The following MAP2K3 variants were observed in gnomAD, a reference collection of about 807,000 sequenced individuals.
MAP2K3 encodes dual specificity mitogen-activated protein kinase kinase 3.
Under a neutral mutation model 46.4 loss-of-function variants are expected in MAP2K3, and 30 were observed. The observed-to-expected ratio is 0.65, with a 90% CI of 0.48 to 0.88. The LOEUF (loss-of-function observed/expected upper bound fraction) is 0.88. Among genes scored for constraint, MAP2K3 ranks in the 40% least tolerant of loss-of-function variants. The pLI, the probability that MAP2K3 is intolerant of heterozygous loss-of-function variation, is 0.00. For missense variants in MAP2K3, 380 were observed against 464.5 expected, an observed-to-expected ratio of 0.82 and a Z score of 1.67; for synonymous variants, 189 against 176.3, an observed-to-expected ratio of 1.07 and a Z score of -0.57.
intron 1 of MAP2K3, among the ~76,000 whole-genome samples, chr17:21,286,302 G>A (rs1255224126): frequency 6.6e-6 from 1 of 152,250 alleles, no homozygotes; most frequent in Non-Finnish European, 1.5e-5. Context: ...TGAGCAGGAG[G>A]AAGCACCTAG....
At chr17:21,298,294 C>T (rs745638179) in intron 1 of MAP2K3, 119 bp from the exon 2 acceptor site, 64 of 1,440,224 alleles carry the variant, frequency 4.4e-5, no homozygotes, top group African/African-American at 7.0e-5. Flanking sequence ...AGGGGGCTCC[C>T]GGCATGGGTG....
At chr17:21,290,113 G>A (rs532777199) in intron 1 of MAP2K3, among the ~76,000 whole-genome samples, 3 of 152,242 alleles carry the variant, frequency 2.0e-5, no homozygotes, top group Non-Finnish European at 4.4e-5. Flanking sequence ...CAGTGTGTGC[G>A]GTGATGCGGT....
chr17:21,311,442 T>A (rs1977156154), intron 9 of MAP2K3, among the ~76,000 whole-genome samples: 1 of 152,012 alleles, frequency 6.6e-6, no homozygotes, highest in Non-Finnish European at 1.5e-5. Flanking sequence ...ACCGGCCCGA[T>A]GTCACCCACA....
chr17:21,295,003 G>A (rs2144513248), intron 1 of MAP2K3, among the ~76,000 whole-genome samples: 1 of 152,428 alleles, frequency 6.6e-6, no homozygotes, highest in East Asian at 1.9e-4. Flanking sequence ...CTCCACAGCA[G>A]AGAAGCCATC....
chr17:21,308,671 CA>C (rs1255661864), intron 9 of MAP2K3, among the ~76,000 whole-genome samples: 9 of 152,286 alleles, frequency 5.9e-5, no homozygotes, highest in African/African-American at 2.2e-4. Flanking sequence ...TCTGCAATAA[CA>C]GTTTTCCAAG....
rs540194119 is a variant in MAP2K3 at position 21,305,910 on chromosome 17, C to T, written c.774+782C>T. Among the ~76,000 whole-genome samples the T allele has an allele frequency of 4.3e-4, 66 of 152,346 alleles. No individual in the cohort carries two copies. In the South Asian group the frequency reaches 4.3e-3, roughly 10 times the overall value. Reference sequence around the variant, plus strand: ...CTTGGGACCAATGGAGTGTCCTGGGCGTCAGCTCCTTCCCTGCCCAGGGAA... The same window carrying T: ...CTTGGGACCAATGGAGTGTCCTGGGTGTCAGCTCCTTCCCTGCCCAGGGAA... On this transcript the variant is annotated intron_variant, in intron 9 of 11. Transcript: ENST00000342679.
intron 1 of MAP2K3, among the ~76,000 whole-genome samples, chr17:21,294,217 T>TCCCAGA (rs3035504): frequency 1.3e-5 from 2 of 152,306 alleles, no homozygotes; most frequent in African/African-American, 2.4e-5. Context: ...CTCTTGCTGC[T>TCCCAGA]CACATCTCCC....
chr17:21,306,926 C>T (rs1976916143), intron 9 of MAP2K3, among the ~76,000 whole-genome samples: 2 of 152,306 alleles, frequency 1.3e-5, no homozygotes, highest in Admixed American at 1.3e-4. Context: ...GCTGGAACTA[C>T]AGGTGTGTGC....
intron 5 of MAP2K3, 22 bp downstream of exon 5, chr17:21,301,015 C>G: frequency 6.2e-7 from 1 of 1,613,930 alleles, no homozygotes; most frequent in Non-Finnish European, 8.5e-7. Context: ...CATGATGCAG[C>G]TGGGGATCTC....
intron 1 of MAP2K3, among the ~76,000 whole-genome samples, chr17:21,288,387 C>T (rs1975784690): frequency 6.6e-6 from 1 of 152,220 alleles, no homozygotes; most frequent in South Asian, 2.1e-4. Context: ...TGTTTACCAC[C>T]CTTGGCCCAG....
intron 3 of MAP2K3, among the ~76,000 whole-genome samples, chr17:21,300,137 C>T (rs1976508367): frequency 6.6e-6 from 1 of 152,310 alleles, no homozygotes; most frequent in Non-Finnish European, 1.5e-5. Context: ...GAAGGCAATA[C>T]TTTTGTTTTG....
intron 9 of MAP2K3, among the ~76,000 whole-genome samples, chr17:21,309,739 G>A (rs1410490781): frequency 2.7e-5 from 4 of 150,916 alleles, no homozygotes; most frequent in African/African-American, 7.3e-5. Context: ...TCAGGCTCCC[G>A]AGTAGCTGGG....
At chr17:21,290,559 C>A (rs1275154820) in intron 1 of MAP2K3, among the ~76,000 whole-genome samples, 1 of 152,300 alleles carries the variant, frequency 6.6e-6, no homozygotes, top group African/African-American at 2.4e-5. Flanking sequence ...CCTGGCAAGT[C>A]CAGGGAGCCC....
intron 5 of MAP2K3, 127 bp downstream of exon 5, chr17:21,301,120 C>T (rs1247929354): frequency 6.7e-7 from 1 of 1,502,016 alleles, no homozygotes; most frequent in East Asian, 2.3e-5. Context: ...CAGGAGGCTC[C>T]CCCGTCTCTT....
chr17:21,286,813 G>A (rs1975736104), intron 1 of MAP2K3, among the ~76,000 whole-genome samples: 1 of 152,246 alleles, frequency 6.6e-6, no homozygotes, highest in African/African-American at 2.4e-5. Context: ...CCAGGTCCTA[G>A]ATGAGGTTGA....
At chr17:21,312,972 A>C (rs2144668446) in intron 10 of MAP2K3, among the ~76,000 whole-genome samples, 1 of 152,010 alleles carries the variant, frequency 6.6e-6, no homozygotes, top group Middle Eastern at 3.4e-3. Context: ...GAAGAGGGCA[A>C]CTTCTCTGAA....
rs749395078 is a variant in MAP2K3 at position 21,304,422 on chromosome 17, G to T, written c.569-4G>T. On this transcript the variant is annotated splice_polypyrimidine_tract_variant and splice_region_variant and intron_variant, in intron 7 of 11. Transcript: ENST00000342679. ...CGTGGCTGAGGCATGTCCCTCCCTG[G>T]CAGATGTGAAGCCCTCCAATGTCCT... 2.5e-6 allele frequency: 4 copies of T among 1,614,190 alleles called. No individual in the cohort carries two copies. The highest frequency in any genetic ancestry group is 3.4e-6 in the Non-Finnish European group (4 of 1,180,062).
intron 1 of MAP2K3, among the ~76,000 whole-genome samples, chr17:21,294,055 C>A (rs1976098885): frequency 6.6e-6 from 1 of 152,312 alleles, no homozygotes; most frequent in Non-Finnish European, 1.5e-5. Context: ...CCAAACACAT[C>A]CATCCACACC....
rs1977291270 is a variant in MAP2K3, at chr17:21,314,081, G to T, written c.961-66G>T. 3.1e-6 allele frequency: 4 copies of T among 1,272,480 alleles called. No homozygotes were observed. In the Admixed American group the frequency reaches 6.7e-5, roughly 21 times the overall value. The allele number at this position is 1,272,480 out of a possible 1,614,324, so 78.8% of individuals were successfully genotyped here. A position where few individuals can be genotyped will look rare whatever the true frequency, so the allele number is the denominator to read the frequency against. ...AGAACACTTGGGCTGGAGCTGGTTGGGGAAGAGTGGCCACCTCTCCCTCCC... is the reference window on the plus strand; with the variant it reads ...AGAACACTTGGGCTGGAGCTGGTTGTGGAAGAGTGGCCACCTCTCCCTCCC... On this transcript the variant is annotated intron_variant, in intron 11 of 11. Transcript: ENST00000342679.
Sources: allele counts gnomAD v4.1 joint callset (sites outside exome capture counted in the v4.1 genomes callset), GRCh38; gene constraint gnomAD v4.1.1; transcripts MANE v1.5; gene names NCBI Gene and HGNC (gene_info 2026-07-23, HGNC 2026-07-21).